AK9: variants seen among roughly 807,000 people sequenced by gnomAD.
The protein encoded by AK9 is adenylate kinase domain containing 1.
A neutral mutation model predicts 239.6 loss-of-function variants in AK9; 191 were observed. That is an observed-to-expected ratio of 0.80 (90% CI 0.71 to 0.90). The LOEUF is 0.90. Ranked by LOEUF, AK9 falls within the 40% of genes least tolerant of loss-of-function variation. The pLI, the probability that AK9 is intolerant of heterozygous loss-of-function variation, is 0.00. For missense variants in AK9, 1,995 were observed against 2,214.7 expected (o/e 0.90, Z 1.99); for synonymous variants, 689 against 721.0 (o/e 0.96, Z 0.71).
At chr6:109,640,381 C>A (rs1021815460) in intron 10 of AK9, among the ~76,000 whole-genome samples, 4 of 152,188 alleles carry the variant, frequency 2.6e-5, no homozygotes. Context: ...GGACCCCTTG[C>A]ACTTCCTGGG....
intron 35 of AK9, among the ~76,000 whole-genome samples, chr6:109,500,034 TACAC>T (rs36086518): frequency 0.029 from 4,144 of 141,426 alleles, 118 homozygotes; most frequent in African/African-American, 0.081. Context: ...ATATATATGA[TACAC>T]ACACACACAC....
intron 24 of AK9, among the ~76,000 whole-genome samples, chr6:109,553,851 T>A (rs1784648227): frequency 6.6e-6 from 1 of 152,174 alleles, no homozygotes; most frequent in Non-Finnish European, 1.5e-5. Context: ...TCATAAATAC[T>A]CTTATTATTT....
At chr6:109,621,893 TAAAAA>T (rs59405869) in intron 12 of AK9, among the ~76,000 whole-genome samples, 24 of 55,524 alleles carry the variant, frequency 4.3e-4, no homozygotes, top group African/African-American at 7.4e-4. Context: ...AAAGTATAAT[TAAAAA>T]AAAAAAAAAA....
intron 8 of AK9, among the ~76,000 whole-genome samples, chr6:109,651,250 A>G (rs115834196): frequency 0.029 from 4,381 of 149,978 alleles, 101 homozygotes; most frequent in East Asian, 0.11. Flanking sequence ...AATTAAAAGA[A>G]AAAAAAAAGA....
At chr6:109,559,582 T>C (rs940217193) in intron 24 of AK9, among the ~76,000 whole-genome samples, 9 of 152,378 alleles carry the variant, frequency 5.9e-5, no homozygotes, top group African/African-American at 2.2e-4. Flanking sequence ...TCATATTACA[T>C]ATTCTTGATC....
chr6:109,648,335 G>A (rs901987980), intron 8 of AK9, among the ~76,000 whole-genome samples: 2 of 152,060 alleles, frequency 1.3e-5, no homozygotes, highest in African/African-American at 2.4e-5. Flanking sequence ...AAAATTGATA[G>A]AACGCTAGCA....
chr6:109,507,244 T>C (rs80009106), intron 33 of AK9, among the ~76,000 whole-genome samples: 1,891 of 152,282 alleles, frequency 0.012, 56 homozygotes, highest in East Asian at 0.11. Context: ...TAGAGTTGTT[T>C]TAAAGATTGG....
Position 109,614,392 on chromosome 6 carries a change from A to G in AK9, c.1488T>C (p.Asp496=). ...AGCAATATATTTCTTTACCTTCTTC[A>G]TCAATTGATGAGTGTGTTGCCTCCA... ...FPMEATHSSI[D]EEGYIQGSQR... is the part of the protein sequence containing the mutation. The change falls in exon 14 of 41, where the codon GAT becomes GAC. Residue 496 remains aspartate, a synonymous_variant. Transcript: ENST00000424296. 1 of 1,551,160 alleles carries G rather than the reference A, an allele frequency of 6.4e-7. No individual in the cohort carries two copies. The highest frequency in any genetic ancestry group is 8.7e-7 in the Non-Finnish European group (1 of 1,146,606).
In AK9 at chr6:109,564,281, CTT is replaced by C; in HGVS notation, c.2435-3_2435-2del. 2 of 1,539,548 alleles carry C rather than the reference CTT, an allele frequency of 1.3e-6. No homozygotes were observed. The highest frequency in any genetic ancestry group is 1.8e-6 in the Non-Finnish European group (2 of 1,142,576). ...TCTTCTGGAAACTCAGGTAGTACAA[CTT>C]TGGAGTAAAAGACAAAGGAAAGAAA... On this transcript the variant is annotated splice_acceptor_variant and splice_polypyrimidine_tract_variant and intron_variant, in intron 22 of 40. Coordinates refer to ENST00000424296, the MANE Select transcript of AK9 (RefSeq NM_001145128.3). LOFTEE classifies it high-confidence loss of function.
intron 12 of AK9, among the ~76,000 whole-genome samples, chr6:109,622,635 TA>T (rs1254593913): frequency 1.4e-5 from 2 of 147,286 alleles, no homozygotes; most frequent in Non-Finnish European, 3.0e-5. Flanking sequence ...TATATGTATA[TA>T]ATATATAATG....
chr6:109,622,294 T>C (rs1794964616), intron 12 of AK9, among the ~76,000 whole-genome samples: 2 of 143,884 alleles, frequency 1.4e-5, no homozygotes. Flanking sequence ...GGAGTCTCCA[T>C]ATGTATACAT....
chr6:109,561,258 C>T (rs376842931), intron 24 of AK9, among the ~76,000 whole-genome samples: 4 of 149,682 alleles, frequency 2.7e-5, no homozygotes, highest in South Asian at 2.1e-4. Context: ...AGCTTGCCTT[C>T]GTTTTTAAAA....
chr6:109,649,451 G>A (rs535436562), intron 8 of AK9, among the ~76,000 whole-genome samples: 58 of 151,566 alleles, frequency 3.8e-4, no homozygotes, highest in South Asian at 2.1e-3. Context: ...ACCAATAACA[G>A]AGAGCCAAAT....
At chr6:109,645,134 C>T (rs957208596) in intron 8 of AK9, among the ~76,000 whole-genome samples, 3 of 152,180 alleles carry the variant, frequency 2.0e-5, no homozygotes, top group African/African-American at 7.2e-5. Flanking sequence ...CAGCTCCCAG[C>T]GTGATCGATG....
At chr6:109,676,296 C>G (rs1771743048) in intron 1 of AK9, among the ~76,000 whole-genome samples, 1 of 151,858 alleles carries the variant, frequency 6.6e-6, no homozygotes, top group African/African-American at 2.4e-5. Flanking sequence ...TTTTCAGAAA[C>G]CTTTTGCTAT....
chr6:109,580,180 T>C (rs1318226082), intron 19 of AK9, among the ~76,000 whole-genome samples: 1 of 151,696 alleles, frequency 6.6e-6, no homozygotes, highest in African/African-American at 2.4e-5. Context: ...ATCTTTCTAA[T>C]AAGAAAAAAA....
chr6:109,524,369 A>C (rs1380403509), intron 29 of AK9, among the ~76,000 whole-genome samples: 2 of 152,172 alleles, frequency 1.3e-5, no homozygotes, highest in African/African-American at 2.4e-5. Context: ...CTATAAGGAG[A>C]AGACAAAGAG....
At chr6:109,592,941 A>C (rs1364305972) in intron 17 of AK9, among the ~76,000 whole-genome samples, 1 of 152,116 alleles carries the variant, frequency 6.6e-6, no homozygotes, top group Non-Finnish European at 1.5e-5. Flanking sequence ...GTTTTCTTAA[A>C]TTATTTCCTC....
At chr6:109,684,203 A>C (rs191229928) in intron 1 of AK9, among the ~76,000 whole-genome samples, 143 of 152,246 alleles carry the variant, frequency 9.4e-4, no homozygotes, top group African/African-American at 3.2e-3. Flanking sequence ...AAATGGAGAA[A>C]ACTGAAATTG....
Sources: gnomAD v4.1 joint callset for allele counts (sites outside exome capture counted in the v4.1 genomes callset) on GRCh38, gnomAD v4.1.1 for gene constraint, MANE v1.5 for transcripts, NCBI Gene and HGNC (gene_info 2026-07-23, HGNC 2026-07-21) for gene names.